Variants in ELSPBP1 observed in about 807,000 individuals in gnomAD.
The protein encoded by ELSPBP1 is epididymal sperm-binding protein 1.
A neutral mutation model predicts 33.3 loss-of-function variants in ELSPBP1; 38 were observed. That is an observed-to-expected ratio of 1.14 (90% confidence interval 0.88 to 1.50). The LOEUF (loss-of-function observed/expected upper bound fraction) is 1.50, where lower values mean the gene tolerates loss of function less well. ELSPBP1 is among the 40% of genes most tolerant of loss of function. The probability of loss-of-function intolerance (pLI) is 0.00; values close to 1 mark genes in which losing one functional copy is unlikely to be tolerated. For missense variants in ELSPBP1, 267 were observed against 263.5 expected (o/e 1.01, Z -0.09); for synonymous variants, 85 against 94.1 (o/e 0.90, Z 0.56).
chr19:48,004,636 A>C lies in ELSPBP1; in HGVS notation c.-17-4015A>C, dbSNP rs535766873. ...GGTGTCAGCTTACCTGTCATTTCTC[A>C]GAGCACCCTCCCCTCACCTCTCAAT... is the stretch of plus-strand genomic sequence containing the variant. On this transcript the variant is annotated intron_variant, in intron 1 of 6. Transcript: ENST00000339841. 7.9e-5 allele frequency among the ~76,000 whole-genome samples: 12 copies of C among 152,086 alleles called. No individual in the cohort carries two copies. In the East Asian group the frequency reaches 2.3e-3, roughly 29 times the overall value.
At chr19:48,007,215 A>G (rs1967030263) in intron 1 of ELSPBP1, among the ~76,000 whole-genome samples, 1 of 152,198 alleles carries the variant, frequency 6.6e-6, no homozygotes, top group African/African-American at 2.4e-5. Flanking sequence ...GACTAAATAC[A>G]TTCTGCAGAT....
intron 1 of ELSPBP1, among the ~76,000 whole-genome samples, chr19:47,998,267 C>A (rs1966930084): frequency 1.3e-5 from 2 of 151,822 alleles, no homozygotes; most frequent in South Asian, 4.2e-4. Context: ...CAAAAATTAG[C>A]CGGGTGCAGT....
At position 48,014,008 on chromosome 19, in the gene ELSPBP1, C is replaced by A. The variant is rs146632554; in HGVS notation, c.71-163C>A. 3.6e-3 allele frequency among the ~76,000 whole-genome samples: 543 copies of A among 152,232 alleles called. 4 individuals carry two copies. Among genetic ancestry groups the A allele is most frequent in the African/African-American group, 0.012 (519 of 41,528 alleles). On this transcript the variant is annotated intron_variant, in intron 2 of 6. Transcript: ENST00000339841. Reference sequence around the variant, plus strand: ...ACCTAATCACCTTCCAAAGGCCCCTCGTACCATGACCGTGGGGGTTAGGAT... The same window carrying A: ...ACCTAATCACCTTCCAAAGGCCCCTAGTACCATGACCGTGGGGGTTAGGAT...
chr19:48,000,388 G>A lies in ELSPBP1; in HGVS notation c.-18+5577G>A, dbSNP rs182717404. 3.9e-3 allele frequency among the ~76,000 whole-genome samples: 600 copies of A among 152,004 alleles called. 2 individuals are homozygous for A. Among genetic ancestry groups the A allele is most frequent in the African/African-American group, 0.014 (571 of 41,462 alleles). ...CCTGAGTAGCTGGGATTACAAGTGC[G>A]TGCCACCACGCCCAGCTAATTTTTG... On this transcript the variant is annotated intron_variant, in intron 1 of 6. Coordinates refer to ENST00000339841, the MANE Select transcript of ELSPBP1 (RefSeq NM_022142.5).
intron 1 of ELSPBP1, among the ~76,000 whole-genome samples, chr19:47,996,422 G>T (rs1430012294): frequency 1.3e-5 from 2 of 152,228 alleles, no homozygotes; most frequent in East Asian, 3.9e-4. Context: ...AATGAATAAT[G>T]GATGAATAGA....
chr19:48,023,099 G>A (rs1359671124), intron 6 of ELSPBP1, among the ~76,000 whole-genome samples: 3 of 147,184 alleles, frequency 2.0e-5, no homozygotes, highest in East Asian at 2.1e-4. Context: ...AAAGATGAAG[G>A]AAGGAAGGAA....
At chr19:47,996,599 A>G (rs1400275729) in intron 1 of ELSPBP1, among the ~76,000 whole-genome samples, 1 of 151,812 alleles carries the variant, frequency 6.6e-6, no homozygotes, top group Non-Finnish European at 1.5e-5. Context: ...GAAAAGATGG[A>G]TAGATGGAGG....
At chr19:48,009,216 A>C (rs1050949169) in intron 2 of ELSPBP1, among the ~76,000 whole-genome samples, 1 of 152,002 alleles carries the variant, frequency 6.6e-6, no homozygotes, top group African/African-American at 2.4e-5. Flanking sequence ...AACTTTGGTC[A>C]AGCAACATAA....
chr19:48,000,223 A>C (rs898726072), intron 1 of ELSPBP1, among the ~76,000 whole-genome samples: 397 of 11,558 alleles, frequency 0.034, 2 homozygotes, highest in African/African-American at 0.13. Context: ...CCGCCCCCCA[A>C]AAATCCTGCC....
chr19:48,023,481 G>C, intron 6 of ELSPBP1, among the ~76,000 whole-genome samples: 1 of 43,780 alleles, frequency 2.3e-5, no homozygotes, highest in East Asian at 1.4e-3. Flanking sequence ...GAAGGGAGGA[G>C]GGAAGGGAGG....
chr19:48,010,737 T>A (rs912075430), intron 2 of ELSPBP1, among the ~76,000 whole-genome samples: 1 of 152,090 alleles, frequency 6.6e-6, no homozygotes, highest in Non-Finnish European at 1.5e-5. Context: ...GAACATGGAA[T>A]AAGGTCAAGG....
In ELSPBP1 at chr19:47,998,579, G is replaced by A. The variant is rs560218132; in HGVS notation, c.-18+3768G>A. Among the ~76,000 whole-genome samples, 831 of 152,114 alleles carry A rather than the reference G, an allele frequency of 5.5e-3. 9 individuals are homozygous for A. Among genetic ancestry groups the A allele is most frequent in the African/African-American group, 0.019 (781 of 41,504 alleles). On this transcript the variant is annotated intron_variant, in intron 1 of 6. Transcript: ENST00000339841. ...AGGCGGGCGGATCACGAGGTCAGGA[G>A]ATCGAGACCATCCTGGCTAACACAG...
At chr19:48,016,493 TTTCTTTCTTTCTTTCTTTC>T in intron 4 of ELSPBP1, among the ~76,000 whole-genome samples, 1 of 104,416 alleles carries the variant, frequency 9.6e-6, no homozygotes, top group South Asian at 3.5e-4. Context: ...TCTTTCTTTC[TTTCTTTCTTTCTTTCTTTC>T]TTTCTTTCTT....
rs185766111 is a variant in ELSPBP1, at chr19:48,002,704, A to C, written c.-17-5947A>C. ...TGACTCAGGAGGCCGAGGCAAGAGA[A>C]TTGCTTGAACCGGGGAGGCGGAGGT... On this transcript the variant is annotated intron_variant, in intron 1 of 6. Transcript: ENST00000339841. Among the ~76,000 whole-genome samples the C allele has an allele frequency of 5.3e-5, 8 of 152,364 alleles. No individual in the cohort carries two copies. The East Asian group carries it at 1.5e-3, about 29-fold the overall frequency.
At position 47,994,812 on chromosome 19, in the gene ELSPBP1, G is replaced by A. The variant is rs1304304782; in HGVS notation, c.-18+1G>A. The A allele has an allele frequency of 1.3e-5, 2 of 152,162 alleles. No homozygotes were observed. The highest frequency in any genetic ancestry group is 4.8e-5 in the African/African-American group (2 of 41,434). 9.4% of individuals were successfully genotyped at this position (152,162 alleles called of 1,614,324 possible). A position where few individuals can be genotyped will look rare whatever the true frequency, so the allele number is the denominator to read the frequency against. ...AGGGCCCAGAAGAACTCTCTCAAAG[G>A]TACATTTTGACCCGGAAACTTGGGA... On this transcript the variant is annotated splice_donor_variant, in intron 1 of 6. Coordinates refer to ENST00000339841, the MANE Select transcript of ELSPBP1 (RefSeq NM_022142.5). LOFTEE classifies it low-confidence loss of function (5UTR_SPLICE).
At chr19:47,996,014 A>G (rs1966908836) in intron 1 of ELSPBP1, among the ~76,000 whole-genome samples, 1 of 152,150 alleles carries the variant, frequency 6.6e-6, no homozygotes, top group African/African-American at 2.4e-5. Flanking sequence ...ATTATTTTCC[A>G]TGTTGGGTGG....
rs964445844 is a variant in ELSPBP1 at position 48,011,763 on chromosome 19, G to C, written c.71-2408G>C. On this transcript the variant is annotated intron_variant, in intron 2 of 6. Transcript: ENST00000339841. The surrounding 1 kb of genome is among the most constrained non-coding windows in gnomAD (Gnocchi z 4.5). ...TGACAATAGCGTGGAGAATGATGATGATGACAGTGATGGTAATGATGATGA... is the reference window on the plus strand; with the variant it reads ...TGACAATAGCGTGGAGAATGATGATCATGACAGTGATGGTAATGATGATGA... Among the ~76,000 whole-genome samples the C allele has an allele frequency of 6.6e-6, 1 of 151,996 alleles. No homozygotes were observed. The highest frequency in any genetic ancestry group is 2.4e-5 in the African/African-American group (1 of 41,388).
chr19:48,020,736 T>C (rs1482990153), intron 5 of ELSPBP1, among the ~76,000 whole-genome samples: 1 of 152,146 alleles, frequency 6.6e-6, no homozygotes, highest in Non-Finnish European at 1.5e-5. Flanking sequence ...TTCTTCCCTA[T>C]TCCAGTGCCT....
At chr19:48,014,431 T>C in intron 3 of ELSPBP1, 123 bp downstream of exon 3, 1 of 1,024,158 alleles carries the variant, frequency 9.8e-7, no homozygotes, top group Non-Finnish European at 1.3e-6. Context: ...TATGCGTGCG[T>C]AGAAAAGGCT....
Sources: allele counts gnomAD v4.1 joint callset (sites outside exome capture counted in the v4.1 genomes callset), GRCh38; gene constraint gnomAD v4.1.1; non-coding constraint Gnocchi (gnomAD v3.1); transcripts MANE v1.5; gene names NCBI Gene and HGNC (gene_info 2026-07-23, HGNC 2026-07-21).